Variants in DGKE observed in about 807,000 individuals in gnomAD.
The protein encoded by DGKE is diacylglycerol kinase epsilon, also known as DAG kinase epsilon.
A neutral mutation model predicts 70.0 loss-of-function variants in DGKE; 53 were observed. The ratio of observed to expected loss-of-function variants is 0.76; its 90% CI spans 0.61 to 0.95. The LOEUF (loss-of-function observed/expected upper bound fraction) is 0.95. Ranked by LOEUF, DGKE falls within the 40% of genes least tolerant of loss-of-function variation. The pLI is 0.00. For missense variants in DGKE, 655 were observed against 706.9 expected (o/e 0.93, Z 0.83); for synonymous variants, 291 against 257.0 (o/e 1.13, Z -1.27).
chr17:56,856,021 A>AC (rs1907923465), intron 7 of DGKE, among the ~76,000 whole-genome samples: 1 of 150,168 alleles, frequency 6.7e-6, no homozygotes, highest in South Asian at 2.1e-4. Flanking sequence ...AAAAAAAAAA[A>AC]GGCTAAATTG....
Position 56,834,858 on chromosome 17 carries a change from C to T in DGKE, c.63C>T (p.His21=), listed in dbSNP as rs866542951. Residue 21 remains histidine (H), a synonymous_variant, in exon 2 of 12, where the codon CAC becomes CAT. Transcript: ENST00000284061. ...SPSEGLFADG[H]LILWTLCSVL... The stretch of plus-strand genomic sequence containing the variant: ...CCGAGGGCCTGTTTGCGGACGGGCA[C>T]CTGATCTTGTGGACGCTGTGCTCGG... 1 of 1,612,460 alleles carries T rather than the reference C, an allele frequency of 6.2e-7. No homozygotes were observed. The highest frequency in any genetic ancestry group is 2.2e-5 in the East Asian group (1 of 44,850).
chr17:56,856,545 C>T lies in DGKE; in HGVS notation c.1132C>T (p.Pro378Ser), dbSNP rs1279767089. 1.9e-6 allele frequency: 3 copies of T among 1,613,664 alleles called. No homozygotes were observed. Among genetic ancestry groups the T allele is most frequent in the South Asian group, 1.1e-5 (1 of 90,948 alleles). Reference protein sequence around the residue: ...FTMNNYFSVGPDALMALNFHA... With the variant: ...FTMNNYFSVGSDALMALNFHA... Reference sequence around the variant, plus strand: ...AATGAACAACTATTTTTCTGTTGGACCTGATGCTCTCATGGCTCTCAATTT... The same window carrying T: ...AATGAACAACTATTTTTCTGTTGGATCTGATGCTCTCATGGCTCTCAATTT... Residue 378 changes from proline (P) to serine (S), a missense_variant, in exon 8 of 12, where the codon CCT (proline) becomes TCT (serine). Transcript: ENST00000284061.
In DGKE at chr17:56,835,003, C is replaced by T; in HGVS notation, c.208C>T (p.Gln70Ter). ...GTGGCGCGACACGGACCTGTTCAGC[C>T]AGCCCACCTACTGCTGCGTGTGCGC... ...HGWRDTDLFSQPTYCCVCAQH... is the reference protein window; with the variant it reads ...HGWRDTDLFS The change falls in exon 2 of 12, where the codon CAG becomes TAG. Residue 70 changes from glutamine (Q) to a stop codon, truncating the protein, a stop_gained. Transcript: ENST00000284061. LOFTEE classifies it high-confidence loss of function. 2 of 1,612,786 alleles carry T rather than the reference C, an allele frequency of 1.2e-6. No individual in the cohort carries two copies. Among genetic ancestry groups the T allele is most frequent in the East Asian group, 2.2e-5 (1 of 44,862 alleles).
intron 1 of DGKE, 61 bp downstream of exon 1, chr17:56,834,321 T>G (rs903387609): frequency 1.1e-4 from 18 of 158,522 alleles, no homozygotes; most frequent in African/African-American, 3.6e-4. Flanking sequence ...GGGGCTAGGG[T>G]CGCCGGGCCG....
intron 7 of DGKE, among the ~76,000 whole-genome samples, chr17:56,850,937 A>C (rs1907610026): frequency 1.3e-5 from 2 of 152,204 alleles, no homozygotes; most frequent in Admixed American, 1.3e-4. Context: ...CTAGCTGAGA[A>C]GATTCAGAGG....
At chr17:56,835,672 A>G (rs1906568117) in intron 2 of DGKE, 1 of 252,398 alleles carries the variant, frequency 4.0e-6, no homozygotes, top group South Asian at 1.5e-4. Context: ...GTTTTGTACT[A>G]TGAATGTGCA....
rs1323818712 is a variant in DGKE at position 56,834,809 on chromosome 17, G to A, written c.14G>A (p.Arg5Lys). 2 of 1,602,768 alleles carry A rather than the reference G, an allele frequency of 1.2e-6. No individual in the cohort carries two copies. Among genetic ancestry groups the A allele is most frequent in the Non-Finnish European group, 8.5e-7 (1 of 1,175,374 alleles). Residue 5 changes from arginine to lysine, a missense_variant, in exon 2 of 12, where the codon AGG becomes AAG. Transcript: ENST00000284061. ...TCCTTGGAGAAGATGGAAGCGGAGA[G>A]GCGGCCGGCGCCGGGCTCGCCCTCC... MEAE[R>K]RPAPGSPSEG...
intron 7 of DGKE, among the ~76,000 whole-genome samples, chr17:56,851,194 T>C (rs1907628102): frequency 6.6e-6 from 1 of 152,118 alleles, no homozygotes; most frequent in Admixed American, 6.5e-5. Context: ...AGCAGTAGTA[T>C]AGAGTGGTTC....
At position 56,835,201 on chromosome 17, in the gene DGKE, A is replaced by G; in HGVS notation, c.406A>G (p.Ser136Gly). The change falls in exon 2 of 12, where the codon AGT becomes GGT. Residue 136 changes from serine to glycine, a missense_variant. Transcript: ENST00000284061. ...GATCCGGGGCAACGTGCCCCTGTGC[A>G]GTTACTGTATGGTTTGCAAGCAGCA... ...HWIRGNVPLC[S>G]YCMVCKQQCG... 6.2e-7 allele frequency: 1 copy of G among 1,613,974 alleles called. No individual in the cohort carries two copies. Among genetic ancestry groups the G allele is most frequent in the South Asian group, 1.1e-5 (1 of 91,086 alleles).
intron 4 of DGKE, among the ~76,000 whole-genome samples, chr17:56,846,755 T>TA (rs1329175723): frequency 6.6e-6 from 1 of 152,174 alleles, no homozygotes; most frequent in African/African-American, 2.4e-5. Flanking sequence ...AAGAAAATTA[T>TA]AAAAAATACA....
At chr17:56,854,831 A>T (rs1191183121) in intron 7 of DGKE, among the ~76,000 whole-genome samples, 2 of 152,244 alleles carry the variant, frequency 1.3e-5, no homozygotes, top group East Asian at 3.8e-4. Context: ...TGATTCAAAT[A>T]AGAAGACATG....
chr17:56,856,485 G>C (rs750468384), intron 7 of DGKE, 27 bp from the exon 8 acceptor site: 1 of 1,600,684 alleles, frequency 6.2e-7, no homozygotes, highest in South Asian at 1.1e-5. Context: ...ACCATAGTCT[G>C]TTGCTTATTC....
chr17:56,855,188 A>G (rs1907871903), intron 7 of DGKE, among the ~76,000 whole-genome samples: 1 of 79,624 alleles, frequency 1.3e-5, no homozygotes, highest in South Asian at 3.4e-4. Flanking sequence ...TAAGGTGTTT[A>G]TGGGTTTTTT....
In DGKE at chr17:56,862,181, CT is replaced by C; in HGVS notation, c.1457del (p.Phe486SerfsTer8). The C allele has an allele frequency of 6.2e-7, 1 of 1,614,150 alleles. No individual in the cohort carries two copies. Among genetic ancestry groups the C allele is most frequent in the Non-Finnish European group, 8.5e-7 (1 of 1,180,026 alleles). ...GLLEVVGVYG[S>X]FHCAQIQVKL... is the part of the protein sequence containing the mutation. Reference sequence around the variant, plus strand: ...CTGGAAGTCGTTGGAGTATATGGGTCTTTCCACTGTGCTCAGATTCAAGTAA... The same window carrying C: ...CTGGAAGTCGTTGGAGTATATGGGTCTTCCACTGTGCTCAGATTCAAGTAA... On this transcript the variant is annotated frameshift_variant, in exon 11 of 12. Transcript: ENST00000284061. LOFTEE classifies it high-confidence loss of function.
rs1456574169 is a variant in DGKE at position 56,862,686 on chromosome 17, C to T, written c.1599C>T (p.Thr533=). 2 of 1,610,910 alleles carry T rather than the reference C, an allele frequency of 1.2e-6. No homozygotes were observed. The highest frequency in any genetic ancestry group is 2.2e-5 in the South Asian group (2 of 90,430). Residue 533 remains threonine, a synonymous_variant, in exon 12 of 12, where the codon ACC becomes ACT. Coordinates refer to ENST00000284061, the MANE Select transcript of DGKE (RefSeq NM_003647.3). Reference sequence around the variant, plus strand: ...GGGCCCAAGGGCCCTGCACTGTCACCATAACTCACAAGACACATGCAATGA... The same window carrying T: ...GGGCCCAAGGGCCCTGCACTGTCACTATAACTCACAAGACACATGCAATGA... ...EPWAQGPCTV[T]ITHKTHAMML...
At chr17:56,836,387 A>G (rs887484628) in intron 2 of DGKE, 2 of 152,226 alleles carry the variant, frequency 1.3e-5, no homozygotes, top group Non-Finnish European at 2.9e-5. Context: ...TTTATTTGGT[A>G]TCTTTAAAAA....
chr17:56,844,132 C>G lies in DGKE; in HGVS notation c.578C>G (p.Thr193Arg). 3 of 1,576,732 alleles carry G rather than the reference C, an allele frequency of 1.9e-6. No homozygotes were observed. The highest frequency in any genetic ancestry group is 2.6e-6 in the Non-Finnish European group (3 of 1,166,016). The change falls in exon 3 of 12, where the codon ACA (threonine) becomes AGA (arginine). Residue 193 changes from threonine (T) to arginine (R), a missense_variant. Coordinates refer to ENST00000284061, the MANE Select transcript of DGKE (RefSeq NM_003647.3). ...KNLIIPPSYL[T>R]SINQMRKDKK... ...CTAATCATTCCACCAAGTTATTTAA[C>G]ATCCATTAATCAGATGCGTAAAGAC...
intron 8 of DGKE, 109 bp downstream of exon 8, chr17:56,856,734 A>ATATTTAC: frequency 2.3e-6 from 3 of 1,331,106 alleles, no homozygotes; most frequent in Non-Finnish European, 3.0e-6. Context: ...ACTTACAGAA[A>ATATTTAC]TATTTACCTG....
chr17:56,866,077 A>T lies in DGKE; in HGVS notation c.*3286A>T, dbSNP rs907504701. On this transcript the variant is annotated 3_prime_UTR_variant, in exon 12 of 12. Coordinates refer to ENST00000284061, the MANE Select transcript of DGKE (RefSeq NM_003647.3). ...ATATATTTAAAATATCTAGATATTT[A>T]AAAAGAAAGAAAAGGTTGTTTATCC... 1.3e-5 allele frequency: 2 copies of T among 152,212 alleles called. No homozygotes were observed. Among genetic ancestry groups the T allele is most frequent in the African/African-American group, 2.4e-5 (1 of 41,462 alleles). 9.4% of individuals were successfully genotyped at this position (152,212 alleles called of 1,614,324 possible). A position where few individuals can be genotyped will look rare whatever the true frequency, so the allele number is the denominator to read the frequency against.
Sources: allele counts gnomAD v4.1 joint callset (sites outside exome capture counted in the v4.1 genomes callset), GRCh38; gene constraint gnomAD v4.1.1; transcripts MANE v1.5; gene names NCBI Gene and HGNC (gene_info 2026-07-23, HGNC 2026-07-21).